GAB4: variants seen among roughly 807,000 people sequenced by gnomAD.
GAB4 encodes GRB2 associated binding protein family member 4, also known as GRB2-associated-binding protein 4.
Under a neutral mutation model 51.3 loss-of-function variants are expected in GAB4, and 26 were observed. The ratio of observed to expected loss-of-function variants is 0.51; its 90% confidence interval spans 0.37 to 0.70. The LOEUF is 0.70. Ranked by LOEUF, GAB4 falls within the 30% of genes least tolerant of loss-of-function variation. The probability of loss-of-function intolerance (pLI) is 0.00; values close to 1 mark genes in which losing one functional copy is unlikely to be tolerated. For synonymous variants in GAB4, 329 were observed against 291.2 expected, an observed-to-expected ratio of 1.13 and a Z score of -1.32; for missense variants, 759 against 734.6, an observed-to-expected ratio of 1.03 and a Z score of -0.38.
intron 2 of GAB4, among the ~76,000 whole-genome samples, chr22:16,991,083 C>G (rs1264245495): frequency 6.6e-6 from 1 of 152,064 alleles, no homozygotes; most frequent in Non-Finnish European, 1.5e-5. Flanking sequence ...GAGCCCTGGA[C>G]CCTTGCTACT....
chr22:16,968,993 T>C (rs1363002114), intron 4 of GAB4, among the ~76,000 whole-genome samples: 4 of 152,140 alleles, frequency 2.6e-5, no homozygotes, highest in Admixed American at 6.5e-5. Flanking sequence ...GACTCTCTCA[T>C]AACAGGAAGA....
At position 16,962,769 on chromosome 22, in the gene GAB4, C is replaced by T. The variant is rs1258967768; in HGVS notation, c.1689G>A (p.Arg563=). ...QKTMHEQMCL[R]QSSEPPRGAK... is the part of the protein sequence containing the mutation. ...CGCCCCTGGGAGGCTCTGAGGACTGCCGCAGGCACATCTGTTCATGCATGG... is the reference window on the plus strand; with the variant it reads ...CGCCCCTGGGAGGCTCTGAGGACTGTCGCAGGCACATCTGTTCATGCATGG... The change falls in exon 10 of 10, where the codon CGG becomes CGA. Residue 563 remains arginine, a synonymous_variant. Transcript: ENST00000400588. The T allele has an allele frequency of 7.4e-6, 12 of 1,613,286 alleles. No homozygotes were observed. The highest frequency in any genetic ancestry group is 2.2e-5 in the East Asian group (1 of 44,880).
At chr22:17,002,372 C>A (rs763648471) in intron 1 of GAB4, among the ~76,000 whole-genome samples, 8 of 152,058 alleles carry the variant, frequency 5.3e-5, no homozygotes, top group African/African-American at 9.7e-5. Context: ...AAATAAAATC[C>A]TTTACAGACC....
At chr22:16,971,242 A>C (rs1444163370) in intron 3 of GAB4, among the ~76,000 whole-genome samples, 2 of 152,210 alleles carry the variant, frequency 1.3e-5, no homozygotes, top group East Asian at 3.9e-4. Context: ...TTGGGAGATA[A>C]GGCAAGTAGT....
At chr22:16,969,239 G>A (rs1359681948) in intron 4 of GAB4, among the ~76,000 whole-genome samples, 11 of 152,342 alleles carry the variant, frequency 7.2e-5, no homozygotes, top group Middle Eastern at 3.4e-3. Flanking sequence ...CAGTCTGTTA[G>A]TCCACACTGG....
intron 1 of GAB4, among the ~76,000 whole-genome samples, chr22:16,997,672 T>C (rs1196145865): frequency 6.6e-6 from 1 of 152,234 alleles, no homozygotes; most frequent in Non-Finnish European, 1.5e-5. Context: ...ATTTTGGCTT[T>C]TGTTGTCATT....
At chr22:16,986,314 G>C (rs1473371774) in intron 3 of GAB4, among the ~76,000 whole-genome samples, 1 of 152,202 alleles carries the variant, frequency 6.6e-6, no homozygotes, top group Non-Finnish European at 1.5e-5. Context: ...ACGTGCATGT[G>C]AAAGTATGAA....
chr22:17,005,041 G>T (rs2061029135), intron 1 of GAB4, among the ~76,000 whole-genome samples: 1 of 152,032 alleles, frequency 6.6e-6, no homozygotes, highest in South Asian at 2.1e-4. Flanking sequence ...TATTCAAACA[G>T]GAAGAGAGGA....
chr22:16,964,696 G>C (rs2060657214), intron 8 of GAB4, 70 bp downstream of exon 8: 1 of 1,116,948 alleles, frequency 9.0e-7, no homozygotes, highest in African/African-American at 1.5e-5. Context: ...GCTAAGCTGG[G>C]AAGCGGGGAC....
chr22:16,998,161 G>GT (rs1231540929), intron 1 of GAB4, among the ~76,000 whole-genome samples: 1 of 152,220 alleles, frequency 6.6e-6, no homozygotes, highest in Non-Finnish European at 1.5e-5. Flanking sequence ...CTTTAAAGTA[G>GT]TTTTTTCCAA....
At chr22:16,999,828 C>T (rs184594703) in intron 1 of GAB4, among the ~76,000 whole-genome samples, 1 of 152,298 alleles carries the variant, frequency 6.6e-6, no homozygotes, top group African/African-American at 2.4e-5. Context: ...CCCAGAGCTT[C>T]TGGTATGTTG....
intron 1 of GAB4, among the ~76,000 whole-genome samples, chr22:16,993,669 T>G (rs2060930313): frequency 6.6e-6 from 1 of 152,234 alleles, no homozygotes; most frequent in Non-Finnish European, 1.5e-5. Flanking sequence ...ACAACCATGC[T>G]GCCTGGTCTC....
rs748534100 is a variant in GAB4 at position 16,966,249 on chromosome 22, TG to T, written c.1138del (p.Gln380ArgfsTer58). 1.1e-4 allele frequency: 184 copies of T among 1,613,856 alleles called. No individual in the cohort carries two copies. Among genetic ancestry groups the T allele is most frequent in the Non-Finnish European group, 1.5e-4 (180 of 1,180,020 alleles). On this transcript the variant is annotated frameshift_variant, in exon 6 of 10. Transcript: ENST00000400588. LOFTEE classifies it high-confidence loss of function. ...PAVKQAGDDS[Q>X]GVCIPVGSCL... ...TGAGCCCACAGGGATGCAGACACCC[TG>T]GGAATCATCGCCTGCTTGCTTCACA...
chr22:16,995,947 G>A (rs1239070021), intron 1 of GAB4, among the ~76,000 whole-genome samples: 2 of 152,026 alleles, frequency 1.3e-5, no homozygotes, highest in African/African-American at 2.4e-5. Context: ...AAAATTGGAT[G>A]GAGAATGAGT....
chr22:17,000,130 G>A (rs2060985615), intron 1 of GAB4, among the ~76,000 whole-genome samples: 1 of 152,176 alleles, frequency 6.6e-6, no homozygotes, highest in African/African-American at 2.4e-5. Flanking sequence ...GATTTGGGGT[G>A]GAGAGTTCTG....
chr22:16,982,834 A>G (rs1044859832), intron 3 of GAB4, among the ~76,000 whole-genome samples: 1 of 152,212 alleles, frequency 6.6e-6, no homozygotes, highest in African/African-American at 2.4e-5. Flanking sequence ...GAACATGTCC[A>G]GGGTCCAGGG....
chr22:16,985,933 A>C (rs554222338), intron 3 of GAB4, among the ~76,000 whole-genome samples: 2 of 152,258 alleles, frequency 1.3e-5, no homozygotes, highest in African/African-American at 4.8e-5. Flanking sequence ...CTTAACACAG[A>C]AATCCATTAA....
chr22:16,969,182 C>A (rs950714351), intron 4 of GAB4, among the ~76,000 whole-genome samples: 14 of 152,224 alleles, frequency 9.2e-5, no homozygotes, highest in African/African-American at 3.4e-4. Context: ...AACAAAGAGA[C>A]CCAAATATAG....
chr22:16,976,865 T>C (rs2060782926), intron 3 of GAB4, among the ~76,000 whole-genome samples: 1 of 152,162 alleles, frequency 6.6e-6, no homozygotes, highest in Non-Finnish European at 1.5e-5. Context: ...GGGCCAATAT[T>C]CAACATTCTT....
Sources: allele counts gnomAD v4.1 joint callset (sites outside exome capture counted in the v4.1 genomes callset), GRCh38; gene constraint gnomAD v4.1.1; transcripts MANE v1.5; gene names NCBI Gene and HGNC (gene_info 2026-07-23, HGNC 2026-07-21).